Variants in ZNF821 observed in about 807,000 individuals in gnomAD.
ZNF821 encodes the protein zinc finger protein 821.
In ZNF821, 16 loss-of-function variants were observed where a neutral mutation model predicts 44.3. That is an observed-to-expected ratio of 0.36 (90% CI 0.24 to 0.55). The LOEUF (loss-of-function observed/expected upper bound fraction) is 0.55, where lower values mean the gene tolerates loss of function less well. ZNF821 is among the 20% of genes least tolerant of loss of function. The pLI, the probability that ZNF821 is intolerant of heterozygous loss-of-function variation, is 0.86. For synonymous variants in ZNF821, 204 were observed against 197.6 expected, an observed-to-expected ratio of 1.03 and a Z score of -0.27; for missense variants, 436 against 547.6, an observed-to-expected ratio of 0.80 and a Z score of 2.03.
At chr16:71,881,459 A>G (rs2036415869) in intron 2 of ZNF821, 1 of 152,250 alleles carries the variant, frequency 6.6e-6, no homozygotes, top group Non-Finnish European at 1.5e-5. Context: ...AAAACAAAAC[A>G]AAACTCTAAA....
intron 3 of ZNF821, among the ~76,000 whole-genome samples, chr16:71,871,927 G>A (rs1421635887): frequency 6.6e-6 from 1 of 151,914 alleles, no homozygotes; most frequent in Non-Finnish European, 1.5e-5. Flanking sequence ...CGCCTCCTGA[G>A]TTCAAGCGAT....
chr16:71,878,046 C>T (rs1335586891), intron 3 of ZNF821, among the ~76,000 whole-genome samples: 2 of 147,766 alleles, frequency 1.4e-5, no homozygotes, highest in Non-Finnish European at 3.0e-5. Flanking sequence ...TCTGTTATAC[C>T]TCTGAATTCT....
chr16:71,870,915 C>G (rs1481103767), intron 3 of ZNF821, among the ~76,000 whole-genome samples: 1 of 152,190 alleles, frequency 6.6e-6, no homozygotes, highest in Non-Finnish European at 1.5e-5. Flanking sequence ...CCTTTCTCAT[C>G]AGTGATACTT....
At chr16:71,866,663 A>T (rs965025648) in intron 4 of ZNF821, among the ~76,000 whole-genome samples, 1 of 152,256 alleles carries the variant, frequency 6.6e-6, no homozygotes, top group Non-Finnish European at 1.5e-5. Flanking sequence ...CATCCTTCAG[A>T]ATGGAAAACT....
rs1332315636 is a variant in ZNF821, at chr16:71,861,922, G to A, written c.438C>T (p.Ser146=). 1.2e-6 allele frequency: 2 copies of A among 1,614,158 alleles called. No homozygotes were observed. The highest frequency in any genetic ancestry group is 8.5e-7 in the Non-Finnish European group (1 of 1,180,020). ...HVYQHTAAVV[S]AKSYMCPVCG... Reference sequence around the variant, plus strand: ...AGACAGGACACATGTAGCTCTTGGCGCTCACCACTGCTGCAGTGTGCTGTA... The same window carrying A: ...AGACAGGACACATGTAGCTCTTGGCACTCACCACTGCTGCAGTGTGCTGTA... Residue 146 remains serine (S), a synonymous_variant, in exon 7 of 8, where the codon AGC becomes AGT. Coordinates refer to ENST00000425432, the MANE Select transcript of ZNF821 (RefSeq NM_001201552.2).
intron 3 of ZNF821, among the ~76,000 whole-genome samples, chr16:71,870,733 G>T (rs893930742): frequency 5.9e-5 from 9 of 152,118 alleles, no homozygotes. Context: ...TCCCGCCTCG[G>T]CCTCCCAAAG....
intron 3 of ZNF821, among the ~76,000 whole-genome samples, chr16:71,879,091 T>A (rs1232288004): frequency 6.6e-6 from 1 of 152,154 alleles, no homozygotes; most frequent in Non-Finnish European, 1.5e-5. Flanking sequence ...CACTCCCCTC[T>A]CCCTGCTTAA....
intron 3 of ZNF821, 58 bp downstream of exon 3, chr16:71,879,849 C>T: frequency 3.9e-6 from 6 of 1,529,242 alleles, no homozygotes; most frequent in East Asian, 2.3e-5. Context: ...ATTCAGGTTA[C>T]TCTTCCATTC....
At chr16:71,870,381 AT>A (rs1034260982) in intron 3 of ZNF821, among the ~76,000 whole-genome samples, 2 of 151,926 alleles carry the variant, frequency 1.3e-5, no homozygotes, top group African/African-American at 4.8e-5. Context: ...AAAAAAAAAA[AT>A]GAATTTGATG....
chr16:71,891,749 C>G (rs2036886809), intron 1 of ZNF821, among the ~76,000 whole-genome samples: 1 of 152,126 alleles, frequency 6.6e-6, no homozygotes, highest in African/African-American at 2.4e-5. Flanking sequence ...GTGTCCCACG[C>G]CTTTAATCCC....
intron 3 of ZNF821, among the ~76,000 whole-genome samples, chr16:71,875,321 G>A (rs374655685): frequency 2.9e-4 from 44 of 151,860 alleles, no homozygotes; most frequent in African/African-American, 9.7e-4. Flanking sequence ...TCACTCCGTC[G>A]CCCAGGCTGG....
At position 71,860,528 on chromosome 16, in the gene ZNF821, G is replaced by A; in HGVS notation, c.729C>T (p.Ala243=). 6.2e-7 allele frequency: 1 copy of A among 1,614,156 alleles called. No homozygotes were observed. Among genetic ancestry groups the A allele is most frequent in the East Asian group, 2.2e-5 (1 of 44,876 alleles). Reference sequence around the variant, plus strand: ...TCTGGGCTTCCAGCAGTTTACGGTAGGCAGCACAGTTGTTGCACACAAGCA... The same window carrying A: ...TCTGGGCTTCCAGCAGTTTACGGTAAGCAGCACAGTTGTTGCACACAAGCA... The part of the protein sequence containing the change: ...GILLVCNNCA[A]YRKLLEAQTP... The change falls in exon 8 of 8, where the codon GCC becomes GCT. Residue 243 remains alanine, a synonymous_variant. Transcript: ENST00000425432. This position sits in a 1 kb window ranked among gnomAD's most constrained non-coding sequence, Gnocchi z 7.3.
rs528882858 is a variant in ZNF821 at position 71,860,663 on chromosome 16, A to G, written c.594T>C (p.Leu198=). ...TSHATFNSEK[L]PEVLNMESLP... ...GGGATTCCATATTTAGTACTTCAGGAAGTTTCTCACTGGAAAGGAAACATT... is the reference window on the plus strand; with the variant it reads ...GGGATTCCATATTTAGTACTTCAGGGAGTTTCTCACTGGAAAGGAAACATT... The change falls in exon 8 of 8, where the codon CTT becomes CTC. Residue 198 remains leucine, a synonymous_variant. Transcript: ENST00000425432. The surrounding 1 kb of genome is among the most constrained non-coding windows in gnomAD (Gnocchi z 7.3). 6 of 1,611,852 alleles carry G rather than the reference A, an allele frequency of 3.7e-6. No homozygotes were observed. The South Asian group carries it at 5.5e-5, about 15-fold the overall frequency.
At chr16:71,891,939 T>A (rs1476056478) in intron 1 of ZNF821, among the ~76,000 whole-genome samples, 2 of 132,180 alleles carry the variant, frequency 1.5e-5, no homozygotes, top group African/African-American at 5.9e-5. Flanking sequence ...GAGGTTGGAG[T>A]GAGCTGAGAT....
chr16:71,891,594 C>G (rs2036885609), intron 1 of ZNF821: 1 of 152,202 alleles, frequency 6.6e-6, no homozygotes, highest in Non-Finnish European at 1.5e-5. Context: ...ATCATGTCGG[C>G]TGGGCATGGT....
chr16:71,875,707 C>T (rs986681244), intron 3 of ZNF821, among the ~76,000 whole-genome samples: 4 of 152,126 alleles, frequency 2.6e-5, no homozygotes, highest in East Asian at 1.9e-4. Context: ...CGTGATCCGC[C>T]GGCCTCGCCC....
At chr16:71,874,064 T>G (rs1041334427) in intron 3 of ZNF821, among the ~76,000 whole-genome samples, 1 of 151,220 alleles carries the variant, frequency 6.6e-6, no homozygotes, top group Non-Finnish European at 1.5e-5. Flanking sequence ...GTCAGAGCGA[T>G]TTTCCTGCCT....
chr16:71,864,951 T>G lies in ZNF821; in HGVS notation c.264A>C (p.Leu88Phe). The G allele has an allele frequency of 2.5e-6, 4 of 1,614,194 alleles. No homozygotes were observed. The highest frequency in any genetic ancestry group is 3.4e-6 in the Non-Finnish European group (4 of 1,180,020). ...DGGVVKVEKE[L>F]ENTEQPVGGN... ...CACCAACAGGCTGTTCTGTATTTTC[T>G]AACTCTTTCTCCACTTTGACCACCC... Residue 88 changes from leucine (L) to phenylalanine (F), a missense_variant, in exon 5 of 8, where the codon TTA becomes TTC. This residue lies in a region of ZNF821 where 238 missense variants were observed against 281.4 expected (regional missense o/e 0.85). Transcript: ENST00000425432.
chr16:71,860,757 G>GCGA lies in ZNF821; in HGVS notation c.585-86_585-85insTCG. 21 of 1,406,752 alleles carry GCGA rather than the reference G, an allele frequency of 1.5e-5. No individual in the cohort carries two copies. Among genetic ancestry groups the GCGA allele is most frequent in the South Asian group, 1.2e-4 (9 of 73,262 alleles). 87.1% of individuals were successfully genotyped at this position (1,406,752 alleles called of 1,614,324 possible). On this transcript the variant is annotated intron_variant, in intron 7 of 7. Transcript: ENST00000425432. This position sits in a 1 kb window ranked among gnomAD's most constrained non-coding sequence, Gnocchi z 7.3. ...CCCTGCCTTATTCTTTTCCTATGAGGCCAGTGGCTCCACGCTCACCACAAG... is the reference window on the plus strand; with the variant it reads ...CCCTGCCTTATTCTTTTCCTATGAGGCGACCAGTGGCTCCACGCTCACCACAAG...
Sources: gnomAD v4.1 joint callset for allele counts (sites outside exome capture counted in the v4.1 genomes callset) on GRCh38, gnomAD v4.1.1 for gene constraint, gnomAD v4.1.1 regional missense constraint, Gnocchi (gnomAD v3.1) non-coding constraint, MANE v1.5 for transcripts, NCBI Gene and HGNC (gene_info 2026-07-23, HGNC 2026-07-21) for gene names.